Variants in SLC25A26 observed in about 807,000 individuals in gnomAD.
The protein encoded by SLC25A26 is solute carrier family 25 member 26.
In SLC25A26, 36 loss-of-function variants were observed where a neutral mutation model predicts 37.8. That is an observed-to-expected ratio of 0.95 (90% confidence interval 0.73 to 1.26). SLC25A26 has a LOEUF of 1.26. Among genes scored for constraint, SLC25A26 ranks in the 50% most tolerant of loss-of-function variants. The pLI, the probability that SLC25A26 is intolerant of heterozygous loss-of-function variation, is 0.00. For missense variants in SLC25A26, 390 were observed against 331.1 expected (o/e 1.18, Z -1.38); for synonymous variants, 129 against 122.5 (o/e 1.05, Z -0.35).
At chr3:66,234,856 G>C (rs948820117) in intron 1 of SLC25A26, among the ~76,000 whole-genome samples, 1 of 152,086 alleles carries the variant, frequency 6.6e-6, no homozygotes, top group African/African-American at 2.4e-5. Flanking sequence ...TTAAAAATGT[G>C]TATTTTTACT....
At chr3:66,146,740 G>A (rs1039632943) in intron 1 of SLC25A26, among the ~76,000 whole-genome samples, 22 of 152,026 alleles carry the variant, frequency 1.4e-4, no homozygotes, top group African/African-American at 3.6e-4. Context: ...TTACATGGAC[G>A]AATTTTGTAG....
At chr3:66,371,687 A>G (rs1009666716) in intron 9 of SLC25A26, among the ~76,000 whole-genome samples, 2 of 152,162 alleles carry the variant, frequency 1.3e-5, no homozygotes, top group Admixed American at 6.6e-5. Context: ...TAGGGCTGCC[A>G]TATCGTGAGG....
chr3:66,299,503 A>G lies in SLC25A26; in HGVS notation c.453+36124A>G, dbSNP rs1347669503. ...ATGTGCTTGGCAAACAAACTTTTGT[A>G]TATATAATCCTTTCATACTAATATT... On this transcript the variant is annotated intron_variant, in intron 5 of 9. Coordinates refer to ENST00000354883, the MANE Select transcript of SLC25A26 (RefSeq NM_001379210.1). Among the ~76,000 whole-genome samples the G allele has an allele frequency of 2.6e-5, 4 of 152,200 alleles. No homozygotes were observed. The East Asian group carries it at 7.7e-4, about 29-fold the overall frequency.
At chr3:66,232,948 A>G (rs140475943) in intron 1 of SLC25A26, among the ~76,000 whole-genome samples, 2 of 152,210 alleles carry the variant, frequency 1.3e-5, no homozygotes, top group African/African-American at 4.8e-5. Flanking sequence ...GCAGTTCTGC[A>G]GTGAGGAAGA....
intron 1 of SLC25A26, among the ~76,000 whole-genome samples, chr3:66,154,070 T>C (rs2106697439): frequency 6.6e-6 from 1 of 152,272 alleles, no homozygotes; most frequent in Non-Finnish European, 1.5e-5. Flanking sequence ...TCTGGGAAGC[T>C]CTGTGACCAG....
At chr3:66,363,545 C>T (rs75965781) in intron 7 of SLC25A26, among the ~76,000 whole-genome samples, 7,212 of 152,284 alleles carry the variant, frequency 0.047, 231 homozygotes, top group South Asian at 0.083. Context: ...GAGGCTTTAA[C>T]GAGAACTCAA....
chr3:66,203,503 T>G (rs2071135602), intron 1 of SLC25A26, among the ~76,000 whole-genome samples: 1 of 152,178 alleles, frequency 6.6e-6, no homozygotes, highest in Non-Finnish European at 1.5e-5. Flanking sequence ...CTTACCCTTA[T>G]TAAAACATCA....
intron 1 of SLC25A26, among the ~76,000 whole-genome samples, chr3:66,168,435 T>C: frequency 6.6e-6 from 1 of 152,076 alleles, no homozygotes; most frequent in Non-Finnish European, 1.5e-5. Context: ...ATAAAAACTT[T>C]TGCAGTTTTT....
At chr3:66,162,311 T>G (rs1413175411) in intron 1 of SLC25A26, among the ~76,000 whole-genome samples, 4 of 133,040 alleles carry the variant, frequency 3.0e-5, no homozygotes, top group Admixed American at 9.1e-5. Context: ...TCTGAGGTCC[T>G]GGGGGAGAGG....
chr3:66,240,841 G>A (rs1349674025), intron 2 of SLC25A26, among the ~76,000 whole-genome samples: 1 of 150,736 alleles, frequency 6.6e-6, no homozygotes, highest in African/African-American at 2.4e-5. Flanking sequence ...CGCCTCCTGG[G>A]TTCATGCCAT....
chr3:66,240,432 T>G (rs2072519321), intron 2 of SLC25A26, among the ~76,000 whole-genome samples: 1 of 151,724 alleles, frequency 6.6e-6, no homozygotes, highest in South Asian at 2.1e-4. Context: ...GGATTACAGG[T>G]GTGGGCAACC....
chr3:66,137,702 G>A (rs2069968195), intron 1 of SLC25A26, among the ~76,000 whole-genome samples: 1 of 152,192 alleles, frequency 6.6e-6, no homozygotes, highest in African/African-American at 2.4e-5. Flanking sequence ...GCTTCCTGAG[G>A]TCAGAGTGTG....
intron 1 of SLC25A26, among the ~76,000 whole-genome samples, chr3:66,213,945 A>T (rs1464004304): frequency 3.9e-5 from 6 of 152,150 alleles, no homozygotes. Flanking sequence ...AAAGGTAATT[A>T]TTCATTAAAA....
chr3:66,254,689 A>G (rs1035027961), intron 3 of SLC25A26, among the ~76,000 whole-genome samples: 4 of 152,274 alleles, frequency 2.6e-5, no homozygotes. Context: ...GGTTTCACCC[A>G]TGCTTCCTGA....
At chr3:66,270,046 A>G (rs547153060) in intron 5 of SLC25A26, among the ~76,000 whole-genome samples, 3 of 152,206 alleles carry the variant, frequency 2.0e-5, no homozygotes, top group Admixed American at 6.5e-5. Context: ...TGACGTCATG[A>G]TCATTTCAGA....
chr3:66,238,571 CG>C, intron 2 of SLC25A26, among the ~76,000 whole-genome samples: 2 of 151,984 alleles, frequency 1.3e-5, no homozygotes, highest in Middle Eastern at 6.8e-3. Flanking sequence ...TTAGTAGAGA[CG>C]GGGTTTCACC....
At chr3:66,329,805 C>G (rs1477367071) in intron 5 of SLC25A26, among the ~76,000 whole-genome samples, 1 of 152,156 alleles carries the variant, frequency 6.6e-6, no homozygotes, top group Non-Finnish European at 1.5e-5. Context: ...TCAATCCATC[C>G]TCCTGCCTCA....
intron 5 of SLC25A26, among the ~76,000 whole-genome samples, chr3:66,341,782 T>C (rs1454704446): frequency 1.3e-5 from 2 of 152,236 alleles, no homozygotes; most frequent in Non-Finnish European, 2.9e-5. Context: ...ATTGGGTATA[T>C]GCTCTTTTCT....
At chr3:66,279,564 A>G (rs1379334580) in intron 5 of SLC25A26, among the ~76,000 whole-genome samples, 1 of 152,106 alleles carries the variant, frequency 6.6e-6, no homozygotes, top group Non-Finnish European at 1.5e-5. Context: ...AGTGCCTATT[A>G]TTTTACAAAT....
Sources: gnomAD v4.1 joint callset for allele counts (sites outside exome capture counted in the v4.1 genomes callset) on GRCh38, gnomAD v4.1.1 for gene constraint, MANE v1.5 for transcripts, NCBI Gene and HGNC (gene_info 2026-07-23, HGNC 2026-07-21) for gene names.